NEGR1: variants seen among roughly 807,000 people sequenced by gnomAD.
The protein encoded by NEGR1 is IgLON family member 4.
NEGR1 carries 10 observed loss-of-function variants against 40.9 expected under a neutral mutation model. That is an observed-to-expected ratio of 0.24 (90% CI 0.15 to 0.42). NEGR1 has a LOEUF of 0.42. Ranked by LOEUF, NEGR1 falls within the 10% of genes least tolerant of loss-of-function variation. The probability of loss-of-function intolerance (pLI) is 1.00; values close to 1 mark genes in which losing one functional copy is unlikely to be tolerated. For synonymous variants in NEGR1, 185 were observed against 166.8 expected (o/e 1.11, Z -0.84); for missense variants, 352 against 438.9 (o/e 0.80, Z 1.77).
intron 1 of NEGR1, among the ~76,000 whole-genome samples, chr1:72,006,765 G>T (rs1268727131): frequency 2.0e-5 from 3 of 150,442 alleles, no homozygotes; most frequent in Non-Finnish European, 4.5e-5. Flanking sequence ...AGGAAAAACT[G>T]GGGGGGGCGG....
At chr1:71,790,484 G>GT (rs1480896121) in intron 2 of NEGR1, among the ~76,000 whole-genome samples, 4 of 152,002 alleles carry the variant, frequency 2.6e-5, no homozygotes, top group Admixed American at 2.6e-4. Context: ...GCAGTACTAC[G>GT]TTAGGACACT....
chr1:71,586,295 G>T (rs1003984122), intron 6 of NEGR1, among the ~76,000 whole-genome samples: 1 of 152,084 alleles, frequency 6.6e-6, no homozygotes, highest in Non-Finnish European at 1.5e-5. Context: ...TAGACAAGAA[G>T]TTTTCAAAAC....
chr1:72,004,461 A>G (rs1646587997), intron 1 of NEGR1, among the ~76,000 whole-genome samples: 1 of 151,976 alleles, frequency 6.6e-6, no homozygotes, highest in Non-Finnish European at 1.5e-5. Flanking sequence ...ACTCGCAGCA[A>G]ATTTTTGTAA....
chr1:71,439,517 T>C (rs946954399), intron 6 of NEGR1, among the ~76,000 whole-genome samples: 5 of 152,106 alleles, frequency 3.3e-5, no homozygotes, highest in Admixed American at 3.3e-4. Context: ...CACATGCCAC[T>C]AAACTCAGCT....
At chr1:71,871,380 A>C (rs1481077707) in intron 2 of NEGR1, among the ~76,000 whole-genome samples, 1 of 152,154 alleles carries the variant, frequency 6.6e-6, no homozygotes, top group Non-Finnish European at 1.5e-5. Context: ...TGTGGACTAC[A>C]ATGTTTCAGG....
intron 6 of NEGR1, among the ~76,000 whole-genome samples, chr1:71,467,570 A>G (rs979594444): frequency 2.6e-5 from 4 of 152,034 alleles, no homozygotes; most frequent in Non-Finnish European, 4.4e-5. Flanking sequence ...TGCATTTTTG[A>G]CAATTATTTA....
chr1:71,985,501 T>G (rs1646386971), intron 1 of NEGR1, among the ~76,000 whole-genome samples: 1 of 152,158 alleles, frequency 6.6e-6, no homozygotes, highest in Non-Finnish European at 1.5e-5. Context: ...CACCGATAAA[T>G]CCCTCAATTG....
chr1:71,718,209 T>C (rs911609180), intron 3 of NEGR1, among the ~76,000 whole-genome samples: 2 of 152,166 alleles, frequency 1.3e-5, no homozygotes, highest in African/African-American at 4.8e-5. Flanking sequence ...TGGAACCTGG[T>C]GGGAAGTATT....
intron 1 of NEGR1, among the ~76,000 whole-genome samples, chr1:72,266,805 A>T (rs1655661612): frequency 6.6e-6 from 1 of 150,514 alleles, no homozygotes; most frequent in Admixed American, 6.6e-5. Flanking sequence ...AGCTAAATTC[A>T]GAGAATAAAT....
intron 1 of NEGR1, among the ~76,000 whole-genome samples, chr1:72,271,950 T>G (rs1279609153): frequency 6.6e-6 from 1 of 151,884 alleles, no homozygotes; most frequent in Non-Finnish European, 1.5e-5. Flanking sequence ...CTGCCATGAT[T>G]CTGAGGCTTC....
At chr1:71,947,027 G>T (rs964150540) in intron 1 of NEGR1, among the ~76,000 whole-genome samples, 4 of 149,652 alleles carry the variant, frequency 2.7e-5, no homozygotes, top group Non-Finnish European at 5.9e-5. Flanking sequence ...GGTGGAGGTT[G>T]CAGTGAGCTG....
chr1:72,136,593 C>T (rs1650472435), intron 1 of NEGR1, among the ~76,000 whole-genome samples: 2 of 128,158 alleles, frequency 1.6e-5, no homozygotes, highest in South Asian at 2.7e-4. Context: ...CAGGTCTTAG[C>T]CAGCAAAAAA....
intron 2 of NEGR1, among the ~76,000 whole-genome samples, chr1:71,838,450 A>G (rs1659119146): frequency 6.6e-6 from 1 of 152,140 alleles, no homozygotes; most frequent in Non-Finnish European, 1.5e-5. Flanking sequence ...AGGGAAAATC[A>G]CTACTCGTGC....
intron 1 of NEGR1, among the ~76,000 whole-genome samples, chr1:72,202,950 C>A (rs1474682124): frequency 6.6e-6 from 1 of 151,912 alleles, no homozygotes; most frequent in East Asian, 1.9e-4. Flanking sequence ...TTTAAGCCCA[C>A]AGTTGAGACT....
chr1:71,772,700 A>T (rs1656370534), intron 3 of NEGR1, among the ~76,000 whole-genome samples: 2 of 152,184 alleles, frequency 1.3e-5, no homozygotes, highest in Non-Finnish European at 2.9e-5. Context: ...TTCTTCAGAA[A>T]TTAACACGGA....
chr1:71,677,258 C>A (rs1021335585), intron 4 of NEGR1, among the ~76,000 whole-genome samples: 1 of 152,098 alleles, frequency 6.6e-6, no homozygotes, highest in Non-Finnish European at 1.5e-5. Flanking sequence ...TTTGTTCCCA[C>A]AATCTGGTCT....
intron 3 of NEGR1, among the ~76,000 whole-genome samples, chr1:71,722,476 TATG>T (rs1654541645): frequency 6.6e-6 from 1 of 152,122 alleles, no homozygotes; most frequent in South Asian, 2.1e-4. Context: ...GCATGCTTCA[TATG>T]ATAATACGTC....
At chr1:71,682,759 G>A (rs1018258052) in intron 4 of NEGR1, among the ~76,000 whole-genome samples, 2 of 152,170 alleles carry the variant, frequency 1.3e-5, no homozygotes, top group Admixed American at 1.3e-4. Flanking sequence ...TGGTCGTGGG[G>A]GCAGGGCTTT....
At chr1:71,875,396 A>C (rs1660396808) in intron 2 of NEGR1, among the ~76,000 whole-genome samples, 1 of 152,150 alleles carries the variant, frequency 6.6e-6, no homozygotes, top group Admixed American at 6.5e-5. Flanking sequence ...GAATGATCCT[A>C]CTTCTCTCTG....
Sources: gnomAD v4.1 joint callset for allele counts (sites outside exome capture counted in the v4.1 genomes callset) on GRCh38, gnomAD v4.1.1 for gene constraint, MANE v1.5 for transcripts, NCBI Gene and HGNC (gene_info 2026-07-23, HGNC 2026-07-21) for gene names.